PITPNC1: variants seen among roughly 807,000 people sequenced by gnomAD.
PITPNC1 encodes the protein cytoplasmic phosphatidylinositol transfer protein 1.
PITPNC1 carries 18 observed loss-of-function variants against 44.7 expected under a neutral mutation model. That is an observed-to-expected ratio of 0.40 (90% CI 0.28 to 0.60). The LOEUF is 0.60. PITPNC1 is among the 20% of genes least tolerant of loss of function. The pLI is 0.39. For missense variants in PITPNC1, 290 were observed against 418.4 expected, an observed-to-expected ratio of 0.69 and a Z score of 2.68; for synonymous variants, 141 against 149.6, an observed-to-expected ratio of 0.94 and a Z score of 0.42.
At chr17:67,433,824 C>G (rs1314723641) in intron 1 of PITPNC1, among the ~76,000 whole-genome samples, 2 of 152,098 alleles carry the variant, frequency 1.3e-5, no homozygotes, top group African/African-American at 2.4e-5. Context: ...ACCCAGCAGT[C>G]TGAGACTAGC....
chr17:67,587,526 A>G (rs897941715), intron 5 of PITPNC1, among the ~76,000 whole-genome samples: 57 of 152,114 alleles, frequency 3.7e-4, no homozygotes, highest in African/African-American at 1.4e-3. Flanking sequence ...GCATATGCAT[A>G]TGAATCTGGC....
Position 67,440,382 on chromosome 17 carries a change from C to A in PITPNC1, c.48+62180C>A, listed in dbSNP as rs544661432. 3.5e-3 allele frequency among the ~76,000 whole-genome samples: 535 copies of A among 152,170 alleles called. 6 individuals are homozygous for A. The highest frequency in any genetic ancestry group is 0.012 in the African/African-American group (485 of 41,516). ...AAAGTTGCTAGTCCCTCTAAGCCTT[C>A]GTTTGCTCTGGGTTTGAATCCAAAC... On this transcript the variant is annotated intron_variant, in intron 1 of 8. Transcript: ENST00000581322.
chr17:67,670,058 A>T (rs1363253011), intron 7 of PITPNC1, among the ~76,000 whole-genome samples: 1 of 152,116 alleles, frequency 6.6e-6, no homozygotes, highest in African/African-American at 2.4e-5. Context: ...GGGCAATAAG[A>T]GAGAAACTCT....
intron 1 of PITPNC1, among the ~76,000 whole-genome samples, chr17:67,518,068 A>G (rs1189137821): frequency 1.3e-5 from 2 of 152,224 alleles, no homozygotes; most frequent in African/African-American, 4.8e-5. Context: ...AATATAAATT[A>G]TATACATGCA....
intron 5 of PITPNC1, among the ~76,000 whole-genome samples, chr17:67,590,940 C>G (rs572812847): frequency 2.0e-5 from 3 of 147,584 alleles, no homozygotes; most frequent in Non-Finnish European, 4.5e-5. Context: ...GCAACAAGAG[C>G]GAAACTCTGT....
intron 1 of PITPNC1, among the ~76,000 whole-genome samples, chr17:67,473,160 G>T (rs1208939726): frequency 6.6e-6 from 1 of 152,106 alleles, no homozygotes; most frequent in Non-Finnish European, 1.5e-5. Flanking sequence ...ACAGGTGTGA[G>T]CCACCGTGCC....
At chr17:67,533,903 G>GT (rs983435209) in intron 2 of PITPNC1, among the ~76,000 whole-genome samples, 15 of 150,624 alleles carry the variant, frequency 1.0e-4, no homozygotes, top group South Asian at 2.1e-4. Flanking sequence ...TTCTTTTTTT[G>GT]TTTTTTTTAA....
intron 8 of PITPNC1, among the ~76,000 whole-genome samples, chr17:67,680,495 G>C (rs1184583672): frequency 6.6e-6 from 1 of 152,028 alleles, no homozygotes; most frequent in Non-Finnish European, 1.5e-5. Flanking sequence ...AGCTACTCAG[G>C]AGGCTGAGGT....
At chr17:67,430,864 G>T (rs1022217144) in intron 1 of PITPNC1, among the ~76,000 whole-genome samples, 1 of 151,768 alleles carries the variant, frequency 6.6e-6, no homozygotes, top group Non-Finnish European at 1.5e-5. Context: ...TGAGGTGGGA[G>T]GATCCCTTGG....
chr17:67,425,845 A>G (rs551666426), intron 1 of PITPNC1, among the ~76,000 whole-genome samples: 1 of 152,210 alleles, frequency 6.6e-6, no homozygotes, highest in Non-Finnish European at 1.5e-5. Context: ...TTTTTCTTAA[A>G]AGGCCAGAAA....
intron 5 of PITPNC1, among the ~76,000 whole-genome samples, chr17:67,617,551 G>A (rs1305445127): frequency 6.6e-6 from 1 of 152,040 alleles, no homozygotes; most frequent in Non-Finnish European, 1.5e-5. Context: ...TAGTTTCCCA[G>A]GGCCGCCAAA....
chr17:67,450,734 T>C (rs931991893), intron 1 of PITPNC1, among the ~76,000 whole-genome samples: 2 of 152,180 alleles, frequency 1.3e-5, no homozygotes, highest in South Asian at 2.1e-4. Context: ...ATTTTAAGCA[T>C]TGTAAATTGT....
chr17:67,657,413 T>G (rs1399537825), intron 6 of PITPNC1, among the ~76,000 whole-genome samples: 1 of 152,154 alleles, frequency 6.6e-6, no homozygotes, highest in Non-Finnish European at 1.5e-5. Flanking sequence ...CAATTGTTAA[T>G]TGCTTATTTG....
At chr17:67,625,069 G>T (rs1210144975) in intron 5 of PITPNC1, among the ~76,000 whole-genome samples, 1 of 152,134 alleles carries the variant, frequency 6.6e-6, no homozygotes, top group African/African-American at 2.4e-5. Flanking sequence ...TCTAGTGTGT[G>T]TATGGCGGGG....
chr17:67,519,986 A>G (rs1598771211), intron 1 of PITPNC1, among the ~76,000 whole-genome samples: 2 of 152,232 alleles, frequency 1.3e-5, no homozygotes, highest in South Asian at 2.1e-4. Context: ...GTTCAATTGT[A>G]CCTGAAGCAG....
intron 8 of PITPNC1, among the ~76,000 whole-genome samples, chr17:67,688,202 G>A (rs1452081668): frequency 6.6e-6 from 1 of 151,580 alleles, no homozygotes; most frequent in Non-Finnish European, 1.5e-5. Flanking sequence ...GCTGGGTGTG[G>A]TGGCGCATGC....
intron 1 of PITPNC1, among the ~76,000 whole-genome samples, chr17:67,482,900 T>C (rs2039722859): frequency 6.6e-6 from 1 of 152,206 alleles, no homozygotes; most frequent in South Asian, 2.1e-4. Context: ...AGCTAGTTGC[T>C]GGGGTCACCT....
intron 5 of PITPNC1, among the ~76,000 whole-genome samples, chr17:67,583,865 T>TTGTGTG (rs771258752): frequency 2.5e-4 from 29 of 118,346 alleles, no homozygotes; most frequent in African/African-American, 3.8e-4. Flanking sequence ...CTGGCTAATT[T>TTGTGTG]TGTGTGTGTG....
chr17:67,668,827 A>T (rs1442218388), intron 6 of PITPNC1, among the ~76,000 whole-genome samples: 1 of 150,876 alleles, frequency 6.6e-6, no homozygotes, highest in Non-Finnish European at 1.5e-5. Context: ...GCACCACTGC[A>T]CTCCAGCCTG....
Sources: allele counts gnomAD v4.1 joint callset (sites outside exome capture counted in the v4.1 genomes callset), GRCh38; gene constraint gnomAD v4.1.1; transcripts MANE v1.5; gene names NCBI Gene and HGNC (gene_info 2026-07-23, HGNC 2026-07-21).